The following NEGR1 variants were observed in gnomAD, a reference collection of about 807,000 sequenced individuals.
NEGR1 encodes the protein neuronal growth regulator 1.
A neutral mutation model predicts 40.9 loss-of-function variants in NEGR1; 10 were observed. That is an observed-to-expected ratio of 0.24 (90% CI 0.15 to 0.42). NEGR1 has a LOEUF of 0.42. Ranked by LOEUF, NEGR1 falls within the 10% of genes least tolerant of loss-of-function variation. NEGR1 has a pLI of 1.00. For missense variants in NEGR1, 352 were observed against 438.9 expected (o/e 0.80, Z 1.77); for synonymous variants, 185 against 166.8 (o/e 1.11, Z -0.84).
chr1:71,850,886 A>G (rs1198444918), intron 2 of NEGR1, among the ~76,000 whole-genome samples: 1 of 152,164 alleles, frequency 6.6e-6, no homozygotes, highest in East Asian at 1.9e-4. Context: ...TGAAGCACTC[A>G]AGGCTGAGAC....
chr1:71,924,113 G>A (rs1645748770), intron 2 of NEGR1, among the ~76,000 whole-genome samples: 1 of 151,922 alleles, frequency 6.6e-6, no homozygotes, highest in Non-Finnish European at 1.5e-5. Flanking sequence ...ATGGTCTCAA[G>A]TGATCCTCCT....
At chr1:72,195,901 A>G (rs1652984368) in intron 1 of NEGR1, among the ~76,000 whole-genome samples, 1 of 151,964 alleles carries the variant, frequency 6.6e-6, no homozygotes, top group African/African-American at 2.4e-5. Context: ...AAGTTTGGGG[A>G]AAACTGAGAG....
chr1:71,568,101 C>A (rs1648680719), intron 6 of NEGR1, among the ~76,000 whole-genome samples: 1 of 152,210 alleles, frequency 6.6e-6, no homozygotes, highest in Non-Finnish European at 1.5e-5. Context: ...GATAGCATTA[C>A]TCCCATCTAT....
At chr1:71,833,565 C>T (rs993161019) in intron 2 of NEGR1, among the ~76,000 whole-genome samples, 9 of 152,042 alleles carry the variant, frequency 5.9e-5, no homozygotes, top group African/African-American at 2.2e-4. Flanking sequence ...ATGACAAATG[C>T]ATTTTGAGTT....
rs369307529 is a variant in NEGR1, at chr1:72,068,938, A to G, written c.177-133627T>C. The stretch of plus-strand genomic sequence containing the variant: ...AATAGGAAGAAAAAATTAAGGATAT[A>G]TATTAAACAAGTAAAATGTTGGTCA... On this transcript the variant is annotated intron_variant, in intron 1 of 6. Transcript: ENST00000357731. 9.2e-5 allele frequency among the ~76,000 whole-genome samples: 14 copies of G among 152,318 alleles called. No homozygotes were observed. In the South Asian group the frequency reaches 2.9e-3, roughly 32 times the overall value.
Position 72,276,899 on chromosome 1 carries a change from GA to G in NEGR1, c.176+5419del, listed in dbSNP as rs141574529. ...GATGGAATACCTGGGAAGCCAAATA[GA>G]AGGTGGTAAGATAACCCAGTGGTTA... is the stretch of plus-strand genomic sequence containing the variant. On this transcript the variant is annotated intron_variant, in intron 1 of 6. Coordinates refer to ENST00000357731, the MANE Select transcript of NEGR1 (RefSeq NM_173808.3). 7.5e-4 allele frequency among the ~76,000 whole-genome samples: 114 copies of G among 152,264 alleles called. 1 individual carries two copies. The East Asian group carries it at 0.018, about 24-fold the overall frequency.
intron 1 of NEGR1, among the ~76,000 whole-genome samples, chr1:71,938,950 A>T (rs1259748057): frequency 2.0e-5 from 3 of 152,136 alleles, no homozygotes; most frequent in African/African-American, 7.2e-5. Flanking sequence ...TCAGATCATC[A>T]ACAACTCCAG....
intron 2 of NEGR1, among the ~76,000 whole-genome samples, chr1:71,836,460 AAAC>A (rs1659033603): frequency 7.7e-6 from 1 of 129,766 alleles, no homozygotes; most frequent in African/African-American, 2.8e-5. Context: ...AAAAAACAAA[AAAC>A]AACAAAATAT....
rs1193942158 is a variant in NEGR1, at chr1:71,521,656, C to A, written c.940+71161G>T. 2.6e-5 allele frequency among the ~76,000 whole-genome samples: 4 copies of A among 151,904 alleles called. No individual in the cohort carries two copies. In the East Asian group the frequency reaches 7.8e-4, roughly 30 times the overall value. ...AAACAGGACTACATTTTTCATTTTTCAATTGTCAGTAGGTATGAACAGTTT... is the reference window on the plus strand; with the variant it reads ...AAACAGGACTACATTTTTCATTTTTAAATTGTCAGTAGGTATGAACAGTTT... On this transcript the variant is annotated intron_variant, in intron 6 of 6. Coordinates refer to ENST00000357731, the MANE Select transcript of NEGR1 (RefSeq NM_173808.3).
At chr1:71,544,262 T>C (rs966189638) in intron 6 of NEGR1, among the ~76,000 whole-genome samples, 1 of 151,718 alleles carries the variant, frequency 6.6e-6, no homozygotes, top group African/African-American at 2.4e-5. Context: ...GCATCAAAAG[T>C]GTCTAGGGGC....
chr1:72,087,751 C>CTTTTT lies in NEGR1; in HGVS notation c.177-152445_177-152441dup, dbSNP rs1194408394. ...GGGACAACAGGTGTGTGCCACTGTGCTTTTTTTTTTTTTTTTTTTTTTAAT... is the reference window on the plus strand; with the variant it reads ...GGGACAACAGGTGTGTGCCACTGTGCTTTTTTTTTTTTTTTTTTTTTTTTTTTAAT... On this transcript the variant is annotated intron_variant, in intron 1 of 6. Coordinates refer to ENST00000357731, the MANE Select transcript of NEGR1 (RefSeq NM_173808.3). Among the ~76,000 whole-genome samples the CTTTTT allele has an allele frequency of 3.2e-4, 30 of 95,056 alleles. 1 individual carries two copies. The highest frequency in any genetic ancestry group is 7.7e-4 in the African/African-American group (19 of 24,804). The allele number at this position is 95,056 out of a possible 152,430, so 62.4% of individuals were successfully genotyped here.
At chr1:71,906,382 C>T (rs1661276397) in intron 2 of NEGR1, among the ~76,000 whole-genome samples, 1 of 149,384 alleles carries the variant, frequency 6.7e-6, no homozygotes, top group South Asian at 2.1e-4. Flanking sequence ...CCCTAAAACG[C>T]TATTGAAATA....
chr1:71,887,578 T>C (rs1183102199), intron 2 of NEGR1, among the ~76,000 whole-genome samples: 1 of 152,194 alleles, frequency 6.6e-6, no homozygotes, highest in Non-Finnish European at 1.5e-5. Context: ...ATACGTATAA[T>C]GTGCAGTGAT....
In NEGR1 at chr1:71,713,296, A is replaced by G. The variant is rs1195448137; in HGVS notation, c.536-15157T>C. ...GGGAAAATTATTTGTGCATTTTAGC[A>G]CTAGGAAAAGGTCTACCTCTGGCAT... On this transcript the variant is annotated intron_variant, in intron 3 of 6. Transcript: ENST00000357731. Among the ~76,000 whole-genome samples the G allele has an allele frequency of 3.3e-5, 5 of 152,220 alleles. No individual in the cohort carries two copies. The South Asian group carries it at 8.3e-4, about 25-fold the overall frequency.
chr1:71,663,095 T>A (rs1388385876), intron 4 of NEGR1, among the ~76,000 whole-genome samples: 2 of 152,080 alleles, frequency 1.3e-5, no homozygotes, highest in African/African-American at 4.8e-5. Context: ...TAGCTGGGAC[T>A]ACAGGCGCCT....
intron 6 of NEGR1, among the ~76,000 whole-genome samples, chr1:71,491,686 A>G (rs1043390150): frequency 1.3e-5 from 2 of 151,646 alleles, no homozygotes; most frequent in African/African-American, 4.8e-5. Flanking sequence ...CGGCCTCTCC[A>G]CATTTCCAGC....
chr1:71,725,138 T>C (rs1307648570), intron 3 of NEGR1, among the ~76,000 whole-genome samples: 1 of 152,180 alleles, frequency 6.6e-6, no homozygotes, highest in African/African-American at 2.4e-5. Flanking sequence ...TATTACTCTT[T>C]GGCTAGAAAC....
chr1:71,746,156 G>T (rs1294415654), intron 3 of NEGR1, among the ~76,000 whole-genome samples: 1 of 152,184 alleles, frequency 6.6e-6, no homozygotes, highest in Non-Finnish European at 1.5e-5. Flanking sequence ...ATACAAATAT[G>T]TTATGCTTTT....
chr1:71,832,993 C>T (rs11209852), intron 2 of NEGR1, among the ~76,000 whole-genome samples: 42,592 of 151,772 alleles, frequency 0.28, 6,334 homozygotes, highest in East Asian at 0.55. Flanking sequence ...TCTGTGATGT[C>T]CTGAAGTAGC....
Sources: allele counts gnomAD v4.1 joint callset (sites outside exome capture counted in the v4.1 genomes callset), GRCh38; gene constraint gnomAD v4.1.1; transcripts MANE v1.5; gene names NCBI Gene and HGNC (gene_info 2026-07-23, HGNC 2026-07-21).